Variants in KCNIP1 observed in about 807,000 individuals in gnomAD.
KCNIP1 encodes A-type potassium channel modulatory protein KCNIP1.
Under a neutral mutation model 33.0 loss-of-function variants are expected in KCNIP1, and 18 were observed. The ratio of observed to expected loss-of-function variants is 0.55; its 90% CI spans 0.38 to 0.81. The LOEUF is 0.81. Ranked by LOEUF, KCNIP1 falls within the 30% of genes least tolerant of loss-of-function variation. The pLI is 0.00. For missense variants in KCNIP1, 238 were observed against 271.6 expected, an observed-to-expected ratio of 0.88 and a Z score of 0.87; for synonymous variants, 93 against 98.3, an observed-to-expected ratio of 0.95 and a Z score of 0.32.
exon 1 of KCNIP1, chr5:170,353,525 C>T (rs1763266574): frequency 3.1e-6 from 1 of 326,742 alleles, no homozygotes; most frequent in Admixed American, 4.4e-5. Context: ...AGCTCCAGCT[C>T]CTCCCTCCCT....
chr5:170,684,152 G>C lies in KCNIP1; in HGVS notation c.62-34606G>C, dbSNP rs541577577. 1.1e-3 allele frequency among the ~76,000 whole-genome samples: 162 copies of C among 152,192 alleles called. 1 individual carries two copies. Among genetic ancestry groups the C allele is most frequent in the Non-Finnish European group, 1.9e-3 (127 of 68,028 alleles). ...TCTGGTTGTGCCATTTATCAGTTGTGTGAGGTGGGACAAGTCTCTTTTTCT... is the reference window on the plus strand; with the variant it reads ...TCTGGTTGTGCCATTTATCAGTTGTCTGAGGTGGGACAAGTCTCTTTTTCT... On this transcript the variant is annotated intron_variant, in intron 1 of 7. Coordinates refer to ENST00000328939, the MANE Select transcript of KCNIP1 (RefSeq NM_014592.4).
At chr5:170,496,106 C>T (rs2113212252) in intron 1 of KCNIP1, among the ~76,000 whole-genome samples, 1 of 152,316 alleles carries the variant, frequency 6.6e-6, no homozygotes, top group Non-Finnish European at 1.5e-5. Flanking sequence ...TCCCTGCTCA[C>T]TTCCTCAGGG....
intron 1 of KCNIP1, among the ~76,000 whole-genome samples, chr5:170,586,942 T>G (rs1013390923): frequency 1.3e-5 from 2 of 152,194 alleles, no homozygotes; most frequent in Non-Finnish European, 2.9e-5. Context: ...CTCTCTGTCC[T>G]CATGGAGCTC....
chr5:170,524,434 T>A (rs1003567759), intron 1 of KCNIP1, among the ~76,000 whole-genome samples: 3 of 152,246 alleles, frequency 2.0e-5, no homozygotes, highest in African/African-American at 7.2e-5. Context: ...CTTAGCTCTG[T>A]CACTTGCTAG....
intron 1 of KCNIP1, among the ~76,000 whole-genome samples, chr5:170,392,753 G>T (rs1157347715): frequency 6.6e-6 from 1 of 152,176 alleles, no homozygotes; most frequent in Non-Finnish European, 1.5e-5. Context: ...GAATCCAGGA[G>T]GCGGAGGTCG....
chr5:170,421,320 C>T (rs781748245), intron 1 of KCNIP1, among the ~76,000 whole-genome samples: 1 of 152,130 alleles, frequency 6.6e-6, no homozygotes, highest in Non-Finnish European at 1.5e-5. Flanking sequence ...TCTTTCACAC[C>T]CAGTTTCGCC....
intron 1 of KCNIP1, among the ~76,000 whole-genome samples, chr5:170,534,891 C>T (rs1755919892): frequency 6.6e-6 from 1 of 151,844 alleles, no homozygotes; most frequent in Admixed American, 6.6e-5. Flanking sequence ...AGAGTTGAGG[C>T]CCGGGAGACT....
intron 1 of KCNIP1, among the ~76,000 whole-genome samples, chr5:170,409,762 G>A (rs1755132870): frequency 6.6e-6 from 1 of 152,180 alleles, no homozygotes; most frequent in Non-Finnish European, 1.5e-5. Context: ...GGCCCTGTGT[G>A]CTGCTAAGAG....
rs563334716 is a variant in KCNIP1, at chr5:170,481,965, G to T, written c.88+128001G>T. On this transcript the variant is annotated intron_variant, in intron 1 of 7. Transcript: ENST00000377360. ...CAAGTCTTGTTCTTTGTTTCTGTAG[G>T]TAGTAAAGTGAATTCTTTAAATCCC... Among the ~76,000 whole-genome samples, 15 of 152,280 alleles carry T rather than the reference G, an allele frequency of 9.9e-5. No homozygotes were observed. The South Asian group carries it at 3.1e-3, about 32-fold the overall frequency.
intron 1 of KCNIP1, chr5:170,422,548 T>C (rs1382794029): frequency 7.4e-6 from 1 of 134,650 alleles, no homozygotes; most frequent in East Asian, 2.1e-4. Context: ...TAGAGGAAAG[T>C]GATTGGCTGG....
chr5:170,435,070 C>T (rs759580644), intron 1 of KCNIP1, among the ~76,000 whole-genome samples: 15 of 152,228 alleles, frequency 9.9e-5, no homozygotes, highest in African/African-American at 1.4e-4. Context: ...GCAGAAGGGG[C>T]CAGCGTCAGG....
At chr5:170,515,875 G>A (rs1030728340) in intron 1 of KCNIP1, among the ~76,000 whole-genome samples, 6 of 152,192 alleles carry the variant, frequency 3.9e-5, no homozygotes, top group South Asian at 4.1e-4. Flanking sequence ...GAAGATGGCC[G>A]AAAGAGGCGG....
chr5:170,691,278 A>G (rs914922250), intron 1 of KCNIP1, among the ~76,000 whole-genome samples: 1 of 152,182 alleles, frequency 6.6e-6, no homozygotes, highest in African/African-American at 2.4e-5. Context: ...GCCACAGGCT[A>G]AATAAGTTGA....
intron 1 of KCNIP1, chr5:170,678,628 G>A (rs546977909): frequency 2.0e-5 from 3 of 152,334 alleles, no homozygotes; most frequent in Admixed American, 2.0e-4. Flanking sequence ...ATATCTAACA[G>A]ATGCTCAGTA....
At chr5:170,476,223 G>A (rs1756854772) in intron 1 of KCNIP1, among the ~76,000 whole-genome samples, 1 of 152,100 alleles carries the variant, frequency 6.6e-6, no homozygotes, top group South Asian at 2.1e-4. Flanking sequence ...CATCAGCCTT[G>A]GCCTCCCAAA....
chr5:170,416,275 G>A (rs370371655), intron 1 of KCNIP1, among the ~76,000 whole-genome samples: 10 of 152,224 alleles, frequency 6.6e-5, no homozygotes, highest in East Asian at 5.8e-4. Context: ...CTTCCATCAA[G>A]GAGGCAACGC....
chr5:170,493,635 C>A lies in KCNIP1; in HGVS notation c.88+139671C>A, dbSNP rs570063498. On this transcript the variant is annotated intron_variant, in intron 1 of 7. Transcript: ENST00000377360. Reference sequence around the variant, plus strand: ...GCACCCTTATGAGAGTGAAGTAGACCGTGACTCCTCTGCAGTTGGTTAAGG... The same window carrying A: ...GCACCCTTATGAGAGTGAAGTAGACAGTGACTCCTCTGCAGTTGGTTAAGG... 2.0e-5 allele frequency among the ~76,000 whole-genome samples: 3 copies of A among 152,258 alleles called. No individual in the cohort carries two copies. In the South Asian group the frequency reaches 6.2e-4, roughly 32 times the overall value.
At chr5:170,511,270 G>T (rs1328806957) in intron 1 of KCNIP1, among the ~76,000 whole-genome samples, 1 of 152,180 alleles carries the variant, frequency 6.6e-6, no homozygotes, top group East Asian at 1.9e-4. Flanking sequence ...GCCACGTGAG[G>T]GCCAAGAAGG....
At chr5:170,623,276 C>T (rs895963100) in intron 1 of KCNIP1, among the ~76,000 whole-genome samples, 6 of 151,730 alleles carry the variant, frequency 4.0e-5, no homozygotes, top group African/African-American at 9.7e-5. Flanking sequence ...TGCAATGGCA[C>T]GATCTCGACT....
Sources: allele counts gnomAD v4.1 joint callset (sites outside exome capture counted in the v4.1 genomes callset), GRCh38; gene constraint gnomAD v4.1.1; transcripts MANE v1.5; gene names NCBI Gene and HGNC (gene_info 2026-07-23, HGNC 2026-07-21).